Variants in SPECC1L observed in about 807,000 individuals in gnomAD.
SPECC1L encodes sperm antigen with calponin homology and coiled-coil domains 1 like, also known as cytospin-A.
In SPECC1L, 40 loss-of-function variants were observed where a neutral mutation model predicts 116.8. The observed-to-expected ratio is 0.34, with a 90% CI of 0.27 to 0.45. The LOEUF is 0.45. Among genes scored for constraint, SPECC1L ranks in the 20% least tolerant of loss-of-function variants. The pLI, the probability that SPECC1L is intolerant of heterozygous loss-of-function variation, is 1.00. For missense variants in SPECC1L, 1,110 were observed against 1,373.6 expected (o/e 0.81, Z 3.03); for synonymous variants, 504 against 500.6 (o/e 1.01, Z -0.09).
chr22:24,361,895 AAGAAG>A lies in SPECC1L; in HGVS notation c.2744-1361_2744-1357del, dbSNP rs201013472. 7.4e-3 allele frequency among the ~76,000 whole-genome samples: 1,126 copies of A among 152,258 alleles called. 6 individuals are homozygous for A. The highest frequency in any genetic ancestry group is 0.013 in the South Asian group (62 of 4,812). On this transcript the variant is annotated intron_variant, in intron 11 of 16. Transcript: ENST00000314328. ...AGAAGGAGGAGGAAAAAGAAGAAAA[AAGAAG>A]AGAAAAGAAAAGAAATTTTGGAGTG...
intron 13 of SPECC1L, among the ~76,000 whole-genome samples, chr22:24,366,776 A>G (rs1029738293): frequency 2.4e-4 from 37 of 152,210 alleles, no homozygotes; most frequent in African/African-American, 8.4e-4. Flanking sequence ...ATCTAAGTTT[A>G]TATTTTATTC....
At chr22:24,355,426 CCTGT>C (rs143848080) in intron 11 of SPECC1L, among the ~76,000 whole-genome samples, 2 of 151,820 alleles carry the variant, frequency 1.3e-5, no homozygotes, top group East Asian at 1.9e-4. Flanking sequence ...TATACACTAT[CCTGT>C]CTGTCTGTCT....
In SPECC1L at chr22:24,411,645, C is replaced by G. The variant is rs1186896771; in HGVS notation, c.3145C>G (p.Leu1049Val). 1 of 1,614,154 alleles carries G rather than the reference C, an allele frequency of 6.2e-7. No homozygotes were observed. The highest frequency in any genetic ancestry group is 1.1e-5 in the South Asian group (1 of 91,086). Residue 1049 changes from leucine (L) to valine (V), a missense_variant, in exon 15 of 17, where the codon CTC (leucine) becomes GTC (valine). Physicochemically the swap from Leu to Val is conservative, Grantham distance 32. Transcript: ENST00000314328. ...SWNDGLAFCA[L>V]LHTYLPAHIP... The stretch of plus-strand genomic sequence containing the variant: ...GAATGATGGGCTGGCCTTCTGTGCC[C>G]TCCTGCATACATATCTCCCTGCCCA...
chr22:24,298,112 T>G (rs1161914732), intron 2 of SPECC1L, among the ~76,000 whole-genome samples: 1 of 152,186 alleles, frequency 6.6e-6, no homozygotes, highest in Non-Finnish European at 1.5e-5. Context: ...TTGAATGTAA[T>G]GTATAATATT....
At chr22:24,354,067 G>A (rs1299819609) in intron 11 of SPECC1L, among the ~76,000 whole-genome samples, 1 of 152,184 alleles carries the variant, frequency 6.6e-6, no homozygotes, top group Admixed American at 6.5e-5. Flanking sequence ...GTCACATGAA[G>A]AAAGGGGGAG....
chr22:24,300,045 G>A (rs181965721), intron 2 of SPECC1L, among the ~76,000 whole-genome samples: 1 of 152,254 alleles, frequency 6.6e-6, no homozygotes, highest in African/African-American at 2.4e-5. Flanking sequence ...CAAGATACAT[G>A]TGCAGAACAT....
rs2041105906 is a variant in SPECC1L at position 24,338,401 on chromosome 22, C to T, written c.2576C>T (p.Ala859Val). The change falls in exon 10 of 17, where the codon GCA (alanine) becomes GTA (valine). Residue 859 changes from alanine to valine, a missense_variant. Coordinates refer to ENST00000314328, the MANE Select transcript of SPECC1L (RefSeq NM_015330.6). ...DSASQVPNPA[A>V]AAIPRTPLSP... The stretch of plus-strand genomic sequence containing the variant: ...GTTTTTGTAGTACCAAACCCTGCTG[C>T]AGCTGCAATTCCTCGAACGCCCCTG... 1 of 1,614,024 alleles carries T rather than the reference C, an allele frequency of 6.2e-7. No homozygotes were observed. The highest frequency in any genetic ancestry group is 8.5e-7 in the Non-Finnish European group (1 of 1,179,920).
intron 4 of SPECC1L, among the ~76,000 whole-genome samples, chr22:24,318,968 A>G (rs1029896762): frequency 1.3e-5 from 2 of 151,270 alleles, no homozygotes; most frequent in African/African-American, 4.9e-5. Context: ...GCCTCCGTAT[A>G]CAGTTGTTTA....
intron 13 of SPECC1L, among the ~76,000 whole-genome samples, chr22:24,367,786 T>C (rs1386540090): frequency 6.6e-6 from 1 of 152,184 alleles, no homozygotes; most frequent in Non-Finnish European, 1.5e-5. Flanking sequence ...ATAAATATAC[T>C]GAGGAATACT....
intron 10 of SPECC1L, among the ~76,000 whole-genome samples, chr22:24,345,275 C>T (rs1275672183): frequency 6.6e-6 from 1 of 151,992 alleles, no homozygotes; most frequent in Admixed American, 6.6e-5. Flanking sequence ...AAAAAAATAA[C>T]CTCAGCCCGT....
chr22:24,322,198 C>G lies in SPECC1L; in HGVS notation c.1218C>G (p.Asn406Lys). 1.2e-6 allele frequency: 2 copies of G among 1,614,076 alleles called. No individual in the cohort carries two copies. Among genetic ancestry groups the G allele is most frequent in the Non-Finnish European group, 1.7e-6 (2 of 1,180,042 alleles). Residue 406 changes from asparagine (N) to lysine (K), a missense_variant, in exon 5 of 17, where the codon AAC becomes AAG. This residue lies in a region of SPECC1L where 22 missense variants were observed against 60.1 expected (regional missense o/e 0.37). Coordinates refer to ENST00000314328, the MANE Select transcript of SPECC1L (RefSeq NM_015330.6). ...AACGGATACACCAGATGGAAGAGAA[C>G]CAACACAGTACAAGTGAGGAACTCC... ...LTERIHQMEE[N>K]QHSTSEELQA...
At chr22:24,388,135 GGTTA>G (rs1484103107) in intron 14 of SPECC1L, among the ~76,000 whole-genome samples, 5 of 151,894 alleles carry the variant, frequency 3.3e-5, no homozygotes, top group Admixed American at 6.6e-5. Flanking sequence ...ACAACGTGCA[GGTTA>G]GTTACATACG....
chr22:24,295,621 G>A (rs2146381730), intron 2 of SPECC1L, among the ~76,000 whole-genome samples: 1 of 152,174 alleles, frequency 6.6e-6, no homozygotes, highest in East Asian at 1.9e-4. Flanking sequence ...AAATAACATG[G>A]TAGTTAGTCC....
intron 4 of SPECC1L, among the ~76,000 whole-genome samples, chr22:24,317,161 G>A (rs1315876544): frequency 3.2e-5 from 3 of 95,072 alleles, no homozygotes; most frequent in African/African-American, 8.2e-5. Flanking sequence ...CCTCCCGGAC[G>A]GGGCGGCTGG....
intron 9 of SPECC1L, among the ~76,000 whole-genome samples, chr22:24,335,320 G>T (rs1275913818): frequency 6.6e-6 from 1 of 152,144 alleles, no homozygotes; most frequent in Non-Finnish European, 1.5e-5. Context: ...TAGTTGAAAT[G>T]AAATTCAGAT....
At chr22:24,292,579 A>G (rs1252555750) in intron 2 of SPECC1L, among the ~76,000 whole-genome samples, 5 of 152,292 alleles carry the variant, frequency 3.3e-5, no homozygotes, top group African/African-American at 4.8e-5. Flanking sequence ...GGATGGCAGA[A>G]CTGGAGCTTG....
intron 9 of SPECC1L, 44 bp from the exon 10 acceptor site, chr22:24,338,341 AC>A: frequency 6.3e-7 from 1 of 1,589,534 alleles, no homozygotes; most frequent in Admixed American, 1.7e-5. Context: ...TTAAGCTTCC[AC>A]TGTACAGTGA....
intron 13 of SPECC1L, among the ~76,000 whole-genome samples, chr22:24,367,725 A>C (rs2041798462): frequency 1.3e-5 from 2 of 152,218 alleles, no homozygotes; most frequent in Non-Finnish European, 2.9e-5. Flanking sequence ...TCTGTTGTAA[A>C]TGTGTCCTCT....
chr22:24,317,064 G>C (rs2040591266), intron 4 of SPECC1L, among the ~76,000 whole-genome samples: 1 of 122,772 alleles, frequency 8.1e-6, no homozygotes. Context: ...TCCCGGAGGG[G>C]GTGGCTGGCC....
Sources: gnomAD v4.1 joint callset for allele counts (sites outside exome capture counted in the v4.1 genomes callset) on GRCh38, gnomAD v4.1.1 for gene constraint, gnomAD v4.1.1 regional missense constraint, MANE v1.5 for transcripts, NCBI Gene and HGNC (gene_info 2026-07-23, HGNC 2026-07-21) for gene names.